CPPED1: variants seen among roughly 807,000 people sequenced by gnomAD.
The protein encoded by CPPED1 is serine/threonine-protein phosphatase CPPED1.
CPPED1 carries 28 observed loss-of-function variants against 28.0 expected under a neutral mutation model. The observed-to-expected ratio is 1.00, with a 90% CI of 0.74 to 1.37. The LOEUF (loss-of-function observed/expected upper bound fraction) is 1.37, where lower values mean the gene tolerates loss of function less well. CPPED1 is among the 40% of genes most tolerant of loss of function. CPPED1 has a pLI of 0.00. For missense variants in CPPED1, 504 were observed against 416.5 expected (o/e 1.21, Z -1.83); for synonymous variants, 198 against 180.2 (o/e 1.10, Z -0.79).
At chr16:12,767,096 G>A (rs1416961912) in intron 2 of CPPED1, among the ~76,000 whole-genome samples, 1 of 152,052 alleles carries the variant, frequency 6.6e-6, no homozygotes, top group East Asian at 1.9e-4. Context: ...CTTAGTAAGG[G>A]AATGGGTTCA....
At chr16:12,726,863 T>C (rs190483767) in intron 2 of CPPED1, among the ~76,000 whole-genome samples, 3 of 152,206 alleles carry the variant, frequency 2.0e-5, no homozygotes, top group Admixed American at 2.0e-4. Context: ...GTGTACTTTA[T>C]CTTCAAAGAA....
chr16:12,755,706 G>A (rs2080362015), intron 2 of CPPED1, among the ~76,000 whole-genome samples: 1 of 152,182 alleles, frequency 6.6e-6, no homozygotes, highest in Non-Finnish European at 1.5e-5. Context: ...CTTCATCATA[G>A]GAAAACAGCT....
chr16:12,738,376 C>T (rs1024223844), intron 2 of CPPED1, among the ~76,000 whole-genome samples: 3 of 152,046 alleles, frequency 2.0e-5, no homozygotes, highest in East Asian at 1.9e-4. Context: ...TGATTTTCCT[C>T]TCTTCTTCCA....
At chr16:12,733,274 ATT>A (rs11463007) in intron 2 of CPPED1, among the ~76,000 whole-genome samples, 13 of 139,272 alleles carry the variant, frequency 9.3e-5, no homozygotes, top group Admixed American at 1.5e-4. Context: ...CGAATTAGGA[ATT>A]TTTTTTTTTT....
At chr16:12,727,007 G>T (rs1212385739) in intron 2 of CPPED1, among the ~76,000 whole-genome samples, 1 of 152,016 alleles carries the variant, frequency 6.6e-6, no homozygotes, top group East Asian at 1.9e-4. Flanking sequence ...GAAGGACGCT[G>T]CCCCTCATTT....
In CPPED1 at chr16:12,704,932, G is replaced by A; in HGVS notation, c.407C>T (p.Ala136Val). ...CCGGCAGAACTCCTCGACGGTCTCG[G>A]CCGTGGGGGTGTTGCCAATGTCATG... is the stretch of plus-strand genomic sequence containing the variant. ...GNHDIGNTPT[A>V]ETVEEFCRTW... Residue 136 changes from alanine to valine, a missense_variant, in exon 3 of 4, where the codon GCC becomes GTC. By Grantham distance (64) the Ala-to-Val change is moderately conservative (BLOSUM62 0). Coordinates refer to ENST00000381774, the MANE Select transcript of CPPED1 (RefSeq NM_018340.3). 1 of 1,614,170 alleles carries A rather than the reference G, an allele frequency of 6.2e-7. No homozygotes were observed. The highest frequency in any genetic ancestry group is 1.3e-5 in the African/African-American group (1 of 75,034).
chr16:12,780,893 T>A, intron 2 of CPPED1: 1 of 398,156 alleles, frequency 2.5e-6, no homozygotes, highest in South Asian at 3.2e-5. Context: ...TTCAAGTTTG[T>A]CCCTGGAAAT....
At position 12,757,818 on chromosome 16, in the gene CPPED1, G is replaced by A. The variant is rs144639666; in HGVS notation, c.289+23367C>T. The A allele has an allele frequency of 1.3e-3, 189 of 150,446 alleles. 1 individual carries two copies. The highest frequency in any genetic ancestry group is 4.4e-3 in the African/African-American group (179 of 40,998). The allele number at this position is 150,446 out of a possible 1,614,324, so 9.3% of individuals were successfully genotyped here. A position where few individuals can be genotyped will look rare whatever the true frequency, so the allele number is the denominator to read the frequency against. On this transcript the variant is annotated intron_variant, in intron 2 of 3. Transcript: ENST00000381774. ...CATTGTGTAATTATTTACAGGAGAC[G>A]GTGGGGTGTCAGATCATTTGGCTGG...
chr16:12,770,648 C>T (rs1450267885), intron 2 of CPPED1, among the ~76,000 whole-genome samples: 2 of 152,082 alleles, frequency 1.3e-5, no homozygotes, highest in Non-Finnish European at 2.9e-5. Flanking sequence ...CATAACAAAA[C>T]TCTCTCTACT....
chr16:12,679,370 A>C (rs1413321266), intron 3 of CPPED1, among the ~76,000 whole-genome samples: 1 of 152,214 alleles, frequency 6.6e-6, no homozygotes, highest in Non-Finnish European at 1.5e-5. Context: ...AAAAACAAAA[A>C]CAAAAACAAT....
At chr16:12,766,256 T>TATATATATATATATATATAGAGAGAG in intron 2 of CPPED1, among the ~76,000 whole-genome samples, 1 of 134,254 alleles carries the variant, frequency 7.4e-6, no homozygotes, top group African/African-American at 3.5e-5. Flanking sequence ...TATATATATA[T>TATATATATATATATATATAGAGAGAG]AGAGAGAGAG....
At chr16:12,713,679 A>G (rs2141192981) in intron 2 of CPPED1, among the ~76,000 whole-genome samples, 1 of 152,216 alleles carries the variant, frequency 6.6e-6, no homozygotes, top group African/African-American at 2.4e-5. Context: ...CGTTTCTTCA[A>G]TCTTACTAAA....
intron 2 of CPPED1, chr16:12,753,175 G>A (rs867141226): frequency 3.3e-5 from 5 of 151,940 alleles, no homozygotes; most frequent in South Asian, 2.1e-4. Context: ...CACTGCTATG[G>A]ACTGAATGTT....
At position 12,664,975 on chromosome 16, in the gene CPPED1, C is replaced by T. The variant is rs376818351; in HGVS notation, c.856G>A (p.Glu286Lys). ...CTGTAGTATCGGTGAACAATTTTCT[C>T]GGCGGTGACCACCACGACTCGGAGC... ...HGLRVVVVTAEKIVHRYYSLD... is the reference protein window; with the variant it reads ...HGLRVVVVTAKKIVHRYYSLD... The change falls in exon 4 of 4, where the codon GAG becomes AAG. Residue 286 changes from glutamate (E) to lysine (K), a missense_variant. By Grantham distance (56) the Glu-to-Lys change is moderately conservative. Transcript: ENST00000381774. The surrounding 1 kb of genome is among the most constrained non-coding windows in gnomAD (Gnocchi z 4.2). The T allele has an allele frequency of 8.2e-5, 132 of 1,610,980 alleles. No individual in the cohort carries two copies. The highest frequency in any genetic ancestry group is 1.6e-4 in the Middle Eastern group (1 of 6,074).
intron 2 of CPPED1, among the ~76,000 whole-genome samples, chr16:12,722,728 GA>G (rs1220714808): frequency 6.6e-6 from 1 of 151,308 alleles, no homozygotes; most frequent in African/African-American, 2.4e-5. Context: ...CCTGTCTCAA[GA>G]AAAAAAAATC....
intron 3 of CPPED1, 125 bp from the exon 4 acceptor site, chr16:12,665,240 T>C (rs2079819345): frequency 2.5e-6 from 2 of 801,190 alleles, no homozygotes; most frequent in Admixed American, 3.7e-5. Context: ...TGTAGAATTA[T>C]CATATTAAAT....
At chr16:12,756,419 G>A (rs2080368577) in intron 2 of CPPED1, among the ~76,000 whole-genome samples, 1 of 152,198 alleles carries the variant, frequency 6.6e-6, no homozygotes, top group Non-Finnish European at 1.5e-5. Flanking sequence ...AGTGAGCCAG[G>A]TGCGGTGGCT....
In CPPED1 at chr16:12,662,059, GA is replaced by G. The variant is rs758366919; in HGVS notation, c.*2826del. The stretch of plus-strand genomic sequence containing the variant: ...ACATCCGTTCTTTCTCCACCAAGAT[GA>G]GTTAGGCGACCTTGGCCACGTGACC... On this transcript the variant is annotated 3_prime_UTR_variant, in exon 4 of 4. Coordinates refer to ENST00000381774, the MANE Select transcript of CPPED1 (RefSeq NM_018340.3). The G allele has an allele frequency of 3.9e-5, 6 of 152,218 alleles. No homozygotes were observed. Among genetic ancestry groups the G allele is most frequent in the Non-Finnish European group, 7.3e-5 (5 of 68,066 alleles). 9.4% of individuals were successfully genotyped at this position (152,218 alleles called of 1,614,324 possible).
chr16:12,686,044 C>A (rs942890668), intron 3 of CPPED1, among the ~76,000 whole-genome samples: 2 of 151,912 alleles, frequency 1.3e-5, no homozygotes, highest in East Asian at 3.9e-4. Context: ...CTGAGCCACC[C>A]GTGGCCCTCT....
Sources: allele counts gnomAD v4.1 joint callset (sites outside exome capture counted in the v4.1 genomes callset), GRCh38; gene constraint gnomAD v4.1.1; non-coding constraint Gnocchi (gnomAD v3.1); transcripts MANE v1.5; gene names NCBI Gene and HGNC (gene_info 2026-07-23, HGNC 2026-07-21).